ZNF490: variants seen among roughly 807,000 people sequenced by gnomAD.
ZNF490 encodes the protein zinc finger protein 490.
ZNF490 carries 11 observed loss-of-function variants against 17.7 expected under a neutral mutation model. The observed-to-expected ratio is 0.62, with a 90% CI of 0.39 to 1.03. ZNF490 has a LOEUF of 1.03. ZNF490 is among the 50% of genes least tolerant of loss of function. The pLI is 0.00. For synonymous variants in ZNF490, 222 were observed against 216.1 expected (o/e 1.03, Z -0.24); for missense variants, 542 against 643.4 (o/e 0.84, Z 1.71).
Position 12,577,367 on chromosome 19 carries a change from G to T in ZNF490, c.*3118C>A. The T allele has an allele frequency of 1.1e-6, 1 of 915,722 alleles. No homozygotes were observed. Among genetic ancestry groups the T allele is most frequent in the Non-Finnish European group, 1.3e-6 (1 of 766,350 alleles). The allele number at this position is 915,722 out of a possible 1,614,324, so 56.7% of individuals were successfully genotyped here. A position where few individuals can be genotyped will look rare whatever the true frequency, so the allele number is the denominator to read the frequency against. ...AAAGATGGCTCCTTGAGCCCATTCT[G>T]ACAGTGAAGGAATCTCGAACTTCCT... On this transcript the variant is annotated 3_prime_UTR_variant, in exon 5 of 5. Coordinates refer to ENST00000311437, the MANE Select transcript of ZNF490 (RefSeq NM_020714.3).
chr19:12,582,520 G>A (rs544472494), intron 4 of ZNF490, among the ~76,000 whole-genome samples: 87 of 151,958 alleles, frequency 5.7e-4, no homozygotes, highest in Non-Finnish European at 1.0e-3. Context: ...TCAGCCTCCC[G>A]AGTAGCTGGG....
intron 2 of ZNF490, among the ~76,000 whole-genome samples, chr19:12,599,159 A>AAG (rs1555701245): frequency 2.0e-5 from 3 of 148,008 alleles, no homozygotes; most frequent in African/African-American, 5.0e-5. Context: ...AAAAAAAAAA[A>AAG]AAAGAAAGAA....
chr19:12,591,104 T>C lies in ZNF490; in HGVS notation c.163-7548A>G, dbSNP rs565562904. On this transcript the variant is annotated intron_variant, in intron 2 of 4. Transcript: ENST00000311437. Reference sequence around the variant, plus strand: ...TCATTAAAATAAAAAAGTCCTGCTCTGGGGCCGGGCACGGTGGCTCATGCC... The same window carrying C: ...TCATTAAAATAAAAAAGTCCTGCTCCGGGGCCGGGCACGGTGGCTCATGCC... Among the ~76,000 whole-genome samples the C allele has an allele frequency of 1.3e-3, 205 of 151,918 alleles. 1 individual carries two copies. The highest frequency in any genetic ancestry group is 1.9e-3 in the Non-Finnish European group (128 of 67,916).
intron 2 of ZNF490, among the ~76,000 whole-genome samples, chr19:12,588,907 A>C (rs1006146970): frequency 6.6e-6 from 1 of 152,238 alleles, no homozygotes; most frequent in Non-Finnish European, 1.5e-5. Flanking sequence ...TTAAATAAAA[A>C]TAGAACTTAT....
chr19:12,580,966 G>T lies in ZNF490; in HGVS notation c.1109C>A (p.Ala370Asp), dbSNP rs768855346. Residue 370 changes from alanine to aspartate, a missense_variant, in exon 5 of 5, where the codon GCC (alanine) becomes GAC (aspartate). Transcript: ENST00000311437. ...TTCACAGGAACTAGATGACTTGAAG[G>T]CTTCCCCACATTTCTTACATGTATA... ...QPYTCKKCGE[A>D]FKSSSSCEVH... is the part of the protein sequence containing the mutation. 2 of 1,614,150 alleles carry T rather than the reference G, an allele frequency of 1.2e-6. No homozygotes were observed. Among genetic ancestry groups the T allele is most frequent in the Non-Finnish European group, 1.7e-6 (2 of 1,180,032 alleles).
In ZNF490 at chr19:12,581,187, G is replaced by A. The variant is rs3745651; in HGVS notation, c.888C>T (p.His296=). The A allele has an allele frequency of 0.44, 710,009 of 1,613,530 alleles. 170,241 individuals are homozygous for A. Among genetic ancestry groups the A allele is most frequent in the Non-Finnish European group, 0.5 (586,838 of 1,179,790 alleles). The change falls in exon 5 of 5, where the codon CAC becomes CAT. Residue 296 remains histidine (H), a synonymous_variant. Coordinates refer to ENST00000311437, the MANE Select transcript of ZNF490 (RefSeq NM_020714.3). ...AFIYYQPFLT[H]ERTHTGEKPY... is the part of the protein sequence containing the mutation. ...GTTTCTCTCCAGTGTGAGTCCTTTC[G>A]TGGGTTAGAAAAGGCTGGTAATATA...
intron 1 of ZNF490, chr19:12,609,887 C>T (rs2023123298): frequency 4.4e-6 from 2 of 451,348 alleles, no homozygotes; most frequent in South Asian, 1.6e-5. Context: ...GTACAATATA[C>T]ACTCTTTGGG....
intron 2 of ZNF490, among the ~76,000 whole-genome samples, chr19:12,603,999 C>G (rs1035338610): frequency 6.6e-6 from 1 of 152,092 alleles, no homozygotes; most frequent in African/African-American, 2.4e-5. Flanking sequence ...GTGACTGGAG[C>G]TTTGAAACTT....
Position 12,584,303 on chromosome 19 carries a change from C to T in ZNF490, c.163-747G>A, listed in dbSNP as rs1382903326. On this transcript the variant is annotated intron_variant, in intron 2 of 4. Transcript: ENST00000311437. ...TCCCAAGTAGCTGGGACTACAGGCG[C>T]GTGCCACCACGCCCAGCTAATTTTT... 1.2e-4 allele frequency among the ~76,000 whole-genome samples: 11 copies of T among 89,456 alleles called. 4 individuals are homozygous for T. Among genetic ancestry groups the T allele is most frequent in the African/African-American group, 3.7e-4 (11 of 29,596 alleles). 58.7% of individuals were successfully genotyped at this position (89,456 alleles called of 152,430 possible). A position where few individuals can be genotyped will look rare whatever the true frequency, so the allele number is the denominator to read the frequency against.
chr19:12,590,475 G>A (rs1310607532), intron 2 of ZNF490, among the ~76,000 whole-genome samples: 16 of 150,768 alleles, frequency 1.1e-4, no homozygotes, highest in South Asian at 2.1e-4. Flanking sequence ...CCCCTGCCTC[G>A]GCCTCCTAAA....
rs1430846929 is a variant in ZNF490 at position 12,587,172 on chromosome 19, T to C, written c.163-3616A>G. The stretch of plus-strand genomic sequence containing the variant: ...GTTTTTTAGAGACAGGGCCATGCTC[T>C]GTCACCCAGGCTGGAGTGCAGTTGT... On this transcript the variant is annotated intron_variant, in intron 2 of 4. Coordinates refer to ENST00000311437, the MANE Select transcript of ZNF490 (RefSeq NM_020714.3). 2.3e-4 allele frequency among the ~76,000 whole-genome samples: 20 copies of C among 85,504 alleles called. 5 individuals are homozygous for C. Among genetic ancestry groups the C allele is most frequent in the Non-Finnish European group, 5.9e-4 (19 of 32,340 alleles). 56.1% of individuals were successfully genotyped at this position (85,504 alleles called of 152,430 possible).
intron 2 of ZNF490, among the ~76,000 whole-genome samples, chr19:12,594,284 G>A (rs1340756231): frequency 2.6e-5 from 4 of 151,918 alleles, no homozygotes; most frequent in Non-Finnish European, 5.9e-5. Context: ...TGGCCAATAC[G>A]GTAAAACCCC....
chr19:12,610,251 C>T (rs1460058905), intron 1 of ZNF490, among the ~76,000 whole-genome samples: 2 of 149,628 alleles, frequency 1.3e-5, no homozygotes, highest in African/African-American at 4.9e-5. Flanking sequence ...GTTGCCCAGA[C>T]TGAACTCAAA....
chr19:12,598,007 C>T (rs2022955689), intron 2 of ZNF490, among the ~76,000 whole-genome samples: 2 of 152,094 alleles, frequency 1.3e-5, no homozygotes, highest in African/African-American at 4.8e-5. Flanking sequence ...GGGCGGATCA[C>T]GAGGTCAAGT....
At chr19:12,583,791 C>CTATATATATATATA (rs1267957541) in intron 2 of ZNF490, among the ~76,000 whole-genome samples, 1 of 68,136 alleles carries the variant, frequency 1.5e-5, no homozygotes, top group Non-Finnish European at 2.5e-5. Flanking sequence ...CTCTCTCTCT[C>CTATATATATATATA]TATATATATA....
chr19:12,576,874 T>C lies in ZNF490; in HGVS notation c.*3611A>G, dbSNP rs2022647818. ...CCATATTTAAAAATATATATAAATA[T>C]ATATACACACAGCCCTCTAGACAAA... On this transcript the variant is annotated 3_prime_UTR_variant, in exon 5 of 5. Coordinates refer to ENST00000311437, the MANE Select transcript of ZNF490 (RefSeq NM_020714.3). Among the ~76,000 whole-genome samples the C allele has an allele frequency of 7.5e-6, 1 of 132,972 alleles. No homozygotes were observed. Among genetic ancestry groups the C allele is most frequent in the African/African-American group, 2.9e-5 (1 of 34,206 alleles). 87.2% of individuals were successfully genotyped at this position (132,972 alleles called of 152,430 possible).
At position 12,579,060 on chromosome 19, in the gene ZNF490, T is replaced by C. The variant is rs752848991; in HGVS notation, c.*1425A>G. On this transcript the variant is annotated 3_prime_UTR_variant, in exon 5 of 5. Coordinates refer to ENST00000311437, the MANE Select transcript of ZNF490 (RefSeq NM_020714.3). Reference sequence around the variant, plus strand: ...CGAGGTCAGGAGATCAAGACTATCCTGGCTAACACGGTGAAACCCCGTCTC... The same window carrying C: ...CGAGGTCAGGAGATCAAGACTATCCCGGCTAACACGGTGAAACCCCGTCTC... 1.6e-4 allele frequency: 72 copies of C among 449,528 alleles called. No homozygotes were observed. The highest frequency in any genetic ancestry group is 1.9e-4 in the Admixed American group (3 of 15,466). The allele number at this position is 449,528 out of a possible 1,614,324, so 27.8% of individuals were successfully genotyped here.
chr19:12,598,469 G>A (rs1417700001), intron 2 of ZNF490, among the ~76,000 whole-genome samples: 1 of 150,436 alleles, frequency 6.6e-6, no homozygotes, highest in Admixed American at 6.6e-5. Context: ...CCGCCTCCCG[G>A]GTTCAAGCGA....
At chr19:12,608,047 G>A (rs1294929512) in intron 2 of ZNF490, among the ~76,000 whole-genome samples, 1 of 152,138 alleles carries the variant, frequency 6.6e-6, no homozygotes, top group Non-Finnish European at 1.5e-5. Flanking sequence ...CTCAGATTAT[G>A]TATCCACATG....
Sources: gnomAD v4.1 joint callset for allele counts (sites outside exome capture counted in the v4.1 genomes callset) on GRCh38, gnomAD v4.1.1 for gene constraint, MANE v1.5 for transcripts, NCBI Gene and HGNC (gene_info 2026-07-23, HGNC 2026-07-21) for gene names.